Variants in PNPLA6 observed in about 807,000 individuals in gnomAD.
The protein encoded by PNPLA6 is patatin like domain 6, lysophospholipase, also known as patatin-like phospholipase domain-containing protein 6.
A neutral mutation model predicts 153.7 loss-of-function variants in PNPLA6; 105 were observed. The observed-to-expected ratio is 0.68, with a 90% CI of 0.58 to 0.80. The LOEUF is 0.80. Ranked by LOEUF, PNPLA6 falls within the 30% of genes least tolerant of loss-of-function variation. The pLI, the probability that PNPLA6 is intolerant of heterozygous loss-of-function variation, is 0.00. For synonymous variants in PNPLA6, 825 were observed against 822.2 expected (o/e 1.00, Z -0.06); for missense variants, 1,423 against 1,919.3 (o/e 0.74, Z 4.83).
chr19:7,555,392 G>T lies in PNPLA6; in HGVS notation c.2936+25G>T, dbSNP rs765261699. 38 of 1,476,170 alleles carry T rather than the reference G, an allele frequency of 2.6e-5. No homozygotes were observed. The highest frequency in any genetic ancestry group is 3.5e-5 in the Non-Finnish European group (38 of 1,086,092). 91.4% of individuals were successfully genotyped at this position (1,476,170 alleles called of 1,614,324 possible). On this transcript the variant is annotated intron_variant, in intron 23 of 31. Coordinates refer to ENST00000600737, the MANE Select transcript of PNPLA6 (RefSeq NM_001166114.2). This position sits in a 1 kb window ranked among gnomAD's most constrained non-coding sequence, Gnocchi z 6.3. ...GGTGAGGGCGGGGCTTGCTCTCTGG[G>T]GGCGGGGCCTGGATGTCCGAGGGTG...
Position 7,549,890 on chromosome 19 carries a change from A to T in PNPLA6, c.1609-17A>T. On this transcript the variant is annotated splice_polypyrimidine_tract_variant and intron_variant, in intron 13 of 31. Coordinates refer to ENST00000600737, the MANE Select transcript of PNPLA6 (RefSeq NM_001166114.2). ...GCTGTCCGGGTTCTGTGTTCATCAC[A>T]TCCCCTGCCCGCACAGGACGTGAGC... 1 of 1,612,228 alleles carries T rather than the reference A, an allele frequency of 6.2e-7. No individual in the cohort carries two copies. Among genetic ancestry groups the T allele is most frequent in the Non-Finnish European group, 8.5e-7 (1 of 1,179,230 alleles).
At chr19:7,535,626 A>T, upstream of PNPLA6, 1 of 1,584,074 alleles carries the variant, frequency 6.3e-7, no homozygotes, top group Non-Finnish European at 8.6e-7. The surrounding 1 kb of genome is among the most constrained non-coding windows in gnomAD (Gnocchi z 5.0). Context: ...GGGCGCCAAG[A>T]GGACTACAAC....
intron 18 of PNPLA6, among the ~76,000 whole-genome samples, chr19:7,551,892 G>C (rs985565391): frequency 2.6e-4 from 39 of 152,052 alleles, no homozygotes; most frequent in African/African-American, 9.2e-4. Context: ...TTGAGCCCAG[G>C]AGATTGAGTT....
At chr19:7,551,310 T>C (rs972868327) in intron 17 of PNPLA6, 52 bp from the exon 18 acceptor site, 1 of 1,569,310 alleles carries the variant, frequency 6.4e-7, no homozygotes, top group Non-Finnish European at 8.8e-7. Flanking sequence ...AGGTGGGACC[T>C]GGACAGCCGC....
rs1167314561 is a variant in PNPLA6, at chr19:7,555,355, GGGGCGGGGCCAGGTGA to G, written c.2934_2936+13del. The G allele has an allele frequency of 6.4e-7, 1 of 1,552,480 alleles. No individual in the cohort carries two copies. The highest frequency in any genetic ancestry group is 8.7e-7 in the Non-Finnish European group (1 of 1,146,662). ...AACACCATTGCCCTTGTGCTAGGCG[GGGGCGGGGCCAGGTGA>G]GGGCGGGGCTTGCTCTCTGGGGGCG... On this transcript the variant is annotated splice_donor_variant and splice_donor_region_variant and coding_sequence_variant and intron_variant, in exon 23 of 32. Transcript: ENST00000600737. LOFTEE classifies it high-confidence loss of function. This position sits in a 1 kb window ranked among gnomAD's most constrained non-coding sequence, Gnocchi z 6.3.
intron 13 of PNPLA6, among the ~76,000 whole-genome samples, chr19:7,547,467 G>A (rs772274320): frequency 5.3e-4 from 81 of 152,190 alleles, no homozygotes; most frequent in Middle Eastern, 3.4e-3. Flanking sequence ...TATCTTCTTT[G>A]GAGAAGTTTT....
chr19:7,536,341 C>A, intron 2 of PNPLA6, 68 bp downstream of exon 2: 1 of 1,430,508 alleles, frequency 7.0e-7, no homozygotes, highest in Non-Finnish European at 9.9e-7. Context: ...ATTTACACTT[C>A]TTAGTGTCCG....
chr19:7,535,697 G>A (rs1852169490), upstream of PNPLA6: 2 of 1,524,644 alleles, frequency 1.3e-6, no homozygotes, highest in Non-Finnish European at 8.8e-7. This position sits in a 1 kb window ranked among gnomAD's most constrained non-coding sequence, Gnocchi z 5.0. Flanking sequence ...CCGCTCGGGC[G>A]GAACTACGTT....
chr19:7,557,372 TGACG>T lies in PNPLA6; in HGVS notation c.3397+90_3397+93del, dbSNP rs1180461387. 9.3e-6 allele frequency: 8 copies of T among 855,950 alleles called. 2 individuals are homozygous for T. Among genetic ancestry groups the T allele is most frequent in the Non-Finnish European group, 1.6e-5 (8 of 513,848 alleles). 53.0% of individuals were successfully genotyped at this position (855,950 alleles called of 1,614,324 possible). ...CGTGGGCACACACAGACAGGCTCGA[TGACG>T]GGACACATGCCCAAGCTGCCCATGC... On this transcript the variant is annotated intron_variant, in intron 27 of 31. Coordinates refer to ENST00000600737, the MANE Select transcript of PNPLA6 (RefSeq NM_001166114.2).
rs202063739 is a variant in PNPLA6, at chr19:7,556,447, C to T, written c.3094-6C>T. The T allele has an allele frequency of 1.3e-6, 2 of 1,584,800 alleles. No homozygotes were observed. Among genetic ancestry groups the T allele is most frequent in the African/African-American group, 1.3e-5 (1 of 74,280 alleles). On this transcript the variant is annotated splice_region_variant and splice_polypyrimidine_tract_variant and intron_variant, in intron 24 of 31. Transcript: ENST00000600737. ...TATTTGACCCTGTCTGGCCCCTTGT[C>T]CCTAGAGCATGACTTCGGTGCTGGA...
At chr19:7,554,792 A>G (rs963435018) in intron 21 of PNPLA6, 69 bp downstream of exon 21, 3 of 1,593,166 alleles carry the variant, frequency 1.9e-6, no homozygotes, top group Admixed American at 3.4e-5. Context: ...TGCCTGCACC[A>G]GGCCACGTGC....
chr19:7,536,567 A>C (rs2022881931), intron 3 of PNPLA6, 21 bp downstream of exon 3: 1 of 1,512,444 alleles, frequency 6.6e-7, no homozygotes, highest in African/African-American at 1.4e-5. Context: ...GCTGGGTGTG[A>C]CCTGGTATTA....
At chr19:7,544,277 A>G (rs1747504283) in intron 13 of PNPLA6, among the ~76,000 whole-genome samples, 1 of 151,764 alleles carries the variant, frequency 6.6e-6, no homozygotes, top group South Asian at 2.1e-4. Flanking sequence ...ACGCCTGGCT[A>G]CTTTTTATAT....
intron 24 of PNPLA6, 72 bp from the exon 25 acceptor site, chr19:7,556,381 C>T (rs1027490188): frequency 5.4e-6 from 5 of 928,232 alleles, no homozygotes; most frequent in Non-Finnish European, 5.4e-6. Context: ...TGCTTGCTCA[C>T]CCCCTATTGA....
In PNPLA6 at chr19:7,555,755, T is replaced by C. The variant is rs1222525215; in HGVS notation, c.3085T>C (p.Trp1029Arg). 1 of 1,613,244 alleles carries C rather than the reference T, an allele frequency of 6.2e-7. No homozygotes were observed. The highest frequency in any genetic ancestry group is 8.5e-7 in the Non-Finnish European group (1 of 1,179,810). ...ASRTKQRARE[W>R]AKSMTSVLEP... ...CCGCACGAAGCAGCGGGCCCGGGAG[T>C]GGGCCAAGGTGTGTGTTGCGAGGAG... Residue 1029 changes from tryptophan to arginine, a missense_variant, in exon 24 of 32, where the codon TGG becomes CGG. Coordinates refer to ENST00000600737, the MANE Select transcript of PNPLA6 (RefSeq NM_001166114.2). This position sits in a 1 kb window ranked among gnomAD's most constrained non-coding sequence, Gnocchi z 6.3.
In PNPLA6 at chr19:7,555,602, G is replaced by A. The variant is rs776211274; in HGVS notation, c.2937-5G>A. ...GCGGGTCACTGGGGCCCATTTTCCC[G>A]GCAGGGGCTGCTCGCACATCGGAGT... On this transcript the variant is annotated splice_polypyrimidine_tract_variant and splice_region_variant and intron_variant, in intron 23 of 31. Transcript: ENST00000600737. The surrounding 1 kb of genome is among the most constrained non-coding windows in gnomAD (Gnocchi z 6.3). 2.5e-6 allele frequency: 4 copies of A among 1,611,216 alleles called. No individual in the cohort carries two copies. Among genetic ancestry groups the A allele is most frequent in the South Asian group, 1.1e-5 (1 of 90,914 alleles).
Position 7,555,279 on chromosome 19 carries a change from C to A in PNPLA6, c.2848C>A (p.Arg950Ser). 1 of 1,595,794 alleles carries A rather than the reference C, an allele frequency of 6.3e-7. No individual in the cohort carries two copies. The highest frequency in any genetic ancestry group is 8.5e-7 in the Non-Finnish European group (1 of 1,171,194). Residue 950 changes from arginine (R) to serine (S), a missense_variant, in exon 23 of 32, where the codon CGC becomes AGC. Arg to Ser is a moderately radical substitution (Grantham distance 110, BLOSUM62 -1). Coordinates refer to ENST00000600737, the MANE Select transcript of PNPLA6 (RefSeq NM_001166114.2). The surrounding 1 kb of genome is among the most constrained non-coding windows in gnomAD (Gnocchi z 6.3). ...GCTCTACGAGAAGGTTTTCTCCAGG[C>A]GCGCGGACCGGCACAGCGACTTCTC... ...HELYEKVFSR[R>S]ADRHSDFSRL...
rs780629364 is a variant in PNPLA6 at position 7,535,907 on chromosome 19, C to T, written c.119C>T (p.Ala40Val). 3.9e-6 allele frequency: 6 copies of T among 1,558,068 alleles called. No individual in the cohort carries two copies. In the Admixed American group the frequency reaches 7.6e-5, roughly 20 times the overall value. ...GGCTCGGCGGGACGGATTTGCGGTG[C>T]GCAGCCAGTGCCGTTCGTCCCTCAG... The part of the protein sequence containing the change: ...GEGSAGRICG[A>V]QPVPFVPQVL... The change falls in exon 1 of 32, where the codon GCG (alanine) becomes GTG (valine). Residue 40 changes from alanine to valine, a missense_variant. Coordinates refer to ENST00000600737, the MANE Select transcript of PNPLA6 (RefSeq NM_001166114.2). This position sits in a 1 kb window ranked among gnomAD's most constrained non-coding sequence, Gnocchi z 5.0.
At chr19:7,539,295 T>C (rs1704743940) in intron 3 of PNPLA6, among the ~76,000 whole-genome samples, 2 of 151,974 alleles carry the variant, frequency 1.3e-5, no homozygotes, top group Non-Finnish European at 2.9e-5. Context: ...CTGGCCAACA[T>C]GGGGAAACCT....
Sources: gnomAD v4.1 joint callset for allele counts (sites outside exome capture counted in the v4.1 genomes callset) on GRCh38, gnomAD v4.1.1 for gene constraint, Gnocchi (gnomAD v3.1) non-coding constraint, MANE v1.5 for transcripts, NCBI Gene and HGNC (gene_info 2026-07-23, HGNC 2026-07-21) for gene names.